Variants in TIAM2 observed in about 807,000 individuals in gnomAD.
TIAM2 encodes the protein rho guanine nucleotide exchange factor TIAM2.
A neutral mutation model predicts 152.9 loss-of-function variants in TIAM2; 80 were observed. The ratio of observed to expected loss-of-function variants is 0.52; its 90% CI spans 0.44 to 0.63. TIAM2 has a LOEUF of 0.63. Among genes scored for constraint, TIAM2 ranks in the 30% least tolerant of loss-of-function variants. The pLI is 0.00. For synonymous variants in TIAM2, 804 were observed against 838.0 expected, an observed-to-expected ratio of 0.96 and a Z score of 0.70; for missense variants, 1,965 against 2,120.1, an observed-to-expected ratio of 0.93 and a Z score of 1.44.
chr6:155,175,735 G>A (rs535297075), intron 9 of TIAM2, among the ~76,000 whole-genome samples: 5 of 152,240 alleles, frequency 3.3e-5, no homozygotes, highest in African/African-American at 1.2e-4. Flanking sequence ...TGTCTACATC[G>A]CTTAAGAAAT....
chr6:155,153,283 GT>G (rs1294575621), intron 7 of TIAM2, among the ~76,000 whole-genome samples: 1 of 151,880 alleles, frequency 6.6e-6, no homozygotes, highest in Admixed American at 6.6e-5. Flanking sequence ...AGTCTTGTGA[GT>G]TTCTGGTAAC....
At chr6:155,061,510 C>A (rs143086531) in intron 1 of TIAM2, among the ~76,000 whole-genome samples, 1 of 152,106 alleles carries the variant, frequency 6.6e-6, no homozygotes, top group Non-Finnish European at 1.5e-5. Flanking sequence ...TCTTGAGTCG[C>A]GTTGTTTACG....
chr6:155,106,017 A>ATTTTT (rs1480338339), intron 2 of TIAM2, among the ~76,000 whole-genome samples: 1 of 149,842 alleles, frequency 6.7e-6, no homozygotes, highest in African/African-American at 2.5e-5. Flanking sequence ...ATTTTATTTT[A>ATTTTT]TTTTTTTGAG....
chr6:155,153,999 C>T (rs993833810), intron 7 of TIAM2, among the ~76,000 whole-genome samples: 1 of 152,104 alleles, frequency 6.6e-6, no homozygotes, highest in Non-Finnish European at 1.5e-5. Flanking sequence ...CTTAAAATTG[C>T]TTTTATGAGA....
chr6:155,195,799 G>A (rs561649253), intron 14 of TIAM2, among the ~76,000 whole-genome samples: 4 of 152,232 alleles, frequency 2.6e-5, no homozygotes, highest in Non-Finnish European at 5.9e-5. Context: ...GTGGCCGTCA[G>A]GGGGCAAAGC....
In TIAM2 at chr6:155,144,644, T is replaced by G. The variant is rs1583212962; in HGVS notation, c.1669T>G (p.Ser557Ala). Residue 557 changes from serine (S) to alanine (A), a missense_variant, in exon 6 of 27, where the codon TCC (serine) becomes GCC (alanine). Physicochemically the swap from Ser to Ala is moderately conservative, Grantham distance 99 (BLOSUM62 1). Coordinates refer to ENST00000682666, the MANE Select transcript of TIAM2 (RefSeq NM_012454.4). ...GTTTTATGAGACCTATGGGAAGAATTCCATGGATCAGAGCAGTGCCCCTCG... is the reference window on the plus strand; with the variant it reads ...GTTTTATGAGACCTATGGGAAGAATGCCATGGATCAGAGCAGTGCCCCTCG... Reference protein sequence around the residue: ...LLFYETYGKNSMDQSSAPRCA... With the variant: ...LLFYETYGKNAMDQSSAPRCA... 2 of 1,567,674 alleles carry G rather than the reference T, an allele frequency of 1.3e-6. No homozygotes were observed. The highest frequency in any genetic ancestry group is 1.7e-6 in the Non-Finnish European group (2 of 1,163,258).
chr6:155,141,901 C>T (rs73575626), intron 5 of TIAM2, among the ~76,000 whole-genome samples: 3,926 of 152,280 alleles, frequency 0.026, 69 homozygotes, highest in South Asian at 0.033. Flanking sequence ...ACTAATATTA[C>T]GTCTCTATTC....
intron 1 of TIAM2, among the ~76,000 whole-genome samples, chr6:155,046,396 C>T (rs369186020): frequency 7.9e-6 from 1 of 126,824 alleles, no homozygotes; most frequent in East Asian, 2.4e-4. Flanking sequence ...AGTGCAGTGG[C>T]GTGATCTCGG....
At chr6:155,021,643 G>C (rs1776496331) in intron 1 of TIAM2, among the ~76,000 whole-genome samples, 2 of 152,100 alleles carry the variant, frequency 1.3e-5, no homozygotes, top group Admixed American at 1.3e-4. Flanking sequence ...AATCAACCGT[G>C]CACAAGGGTT....
At chr6:155,046,177 T>C (rs6557393) in intron 1 of TIAM2, among the ~76,000 whole-genome samples, 104,734 of 151,800 alleles carry the variant, frequency 0.69, 36,229 homozygotes, top group East Asian at 0.74. Flanking sequence ...TTATCTGCCC[T>C]CTCTTTTCTA....
At chr6:155,123,463 C>T (rs1426823254) in intron 2 of TIAM2, among the ~76,000 whole-genome samples, 1 of 152,138 alleles carries the variant, frequency 6.6e-6, no homozygotes, top group Admixed American at 6.5e-5. Flanking sequence ...CTTATATGAG[C>T]CTCCAGGTGC....
At chr6:155,076,765 G>C (rs1777969490) in intron 1 of TIAM2, among the ~76,000 whole-genome samples, 1 of 152,126 alleles carries the variant, frequency 6.6e-6, no homozygotes, top group Non-Finnish European at 1.5e-5. Flanking sequence ...ACGTGATTGT[G>C]GCTCACTGCA....
intron 25 of TIAM2, 68 bp from the exon 26 acceptor site, chr6:155,254,351 C>A: frequency 6.4e-7 from 1 of 1,566,104 alleles, no homozygotes; most frequent in South Asian, 1.2e-5. Flanking sequence ...GGAACACAGG[C>A]GGGCGTGGAA....
intron 8 of TIAM2, 83 bp from the exon 9 acceptor site, chr6:155,165,180 G>A (rs1169112069): frequency 7.0e-7 from 1 of 1,423,618 alleles, no homozygotes; most frequent in Non-Finnish European, 9.4e-7. Flanking sequence ...TGCATTTATA[G>A]CAAGCAGAGC....
In TIAM2 at chr6:155,029,620, T is replaced by G. The variant is rs1176938278; in HGVS notation, c.-209+34128T>G. On this transcript the variant is annotated intron_variant, in intron 1 of 26. Coordinates refer to ENST00000682666, the MANE Select transcript of TIAM2 (RefSeq NM_012454.4). The stretch of plus-strand genomic sequence containing the variant: ...ATATAGTTATATAACTCTGTATATA[T>G]GTATATAACTATATATAGTTATATA... Among the ~76,000 whole-genome samples, 20 of 102,136 alleles carry G rather than the reference T, an allele frequency of 2.0e-4. No individual in the cohort carries two copies. In the East Asian group the frequency reaches 3.2e-3, roughly 16 times the overall value. The allele number at this position is 102,136 out of a possible 152,430, so 67.0% of individuals were successfully genotyped here.
intron 1 of TIAM2, among the ~76,000 whole-genome samples, chr6:155,074,202 A>C (rs1777903919): frequency 1.3e-5 from 2 of 152,196 alleles, no homozygotes; most frequent in African/African-American, 2.4e-5. Context: ...TCCTAACGAC[A>C]AACTTAATTT....
In TIAM2 at chr6:155,141,057, T is replaced by C. The variant is rs1779692505; in HGVS notation, c.1630+3445T>C. Among the ~76,000 whole-genome samples, 4 of 152,196 alleles carry C rather than the reference T, an allele frequency of 2.6e-5. No homozygotes were observed. In the South Asian group the frequency reaches 8.3e-4, roughly 32 times the overall value. ...TGGCTACCAACTTCAGGGGTAGTGA[T>C]GGGCCTGAGTTGTCACTGAGCATTG... is the stretch of plus-strand genomic sequence containing the variant. On this transcript the variant is annotated intron_variant, in intron 5 of 26. Transcript: ENST00000682666.
intron 1 of TIAM2, among the ~76,000 whole-genome samples, chr6:155,079,489 A>G (rs1778018203): frequency 6.6e-6 from 1 of 152,220 alleles, no homozygotes; most frequent in Middle Eastern, 3.2e-3. Context: ...TAATTAATGC[A>G]TAGTGCCTAG....
chr6:155,177,043 C>A, intron 10 of TIAM2, 66 bp downstream of exon 10: 1 of 1,505,666 alleles, frequency 6.6e-7, no homozygotes, highest in South Asian at 1.3e-5. Flanking sequence ...CAATCTTATG[C>A]CTTCTAAATT....
Sources: allele counts gnomAD v4.1 joint callset (sites outside exome capture counted in the v4.1 genomes callset), GRCh38; gene constraint gnomAD v4.1.1; transcripts MANE v1.5; gene names NCBI Gene and HGNC (gene_info 2026-07-23, HGNC 2026-07-21).